DGAT1: variants seen among roughly 807,000 people sequenced by gnomAD.
DGAT1 encodes the protein ACAT related gene product 1.
DGAT1 carries 60 observed loss-of-function variants against 72.6 expected under a neutral mutation model. That is an observed-to-expected ratio of 0.83 (90% CI 0.67 to 1.02). The LOEUF (loss-of-function observed/expected upper bound fraction) is 1.02, where lower values mean the gene tolerates loss of function less well. Among genes scored for constraint, DGAT1 ranks in the 50% least tolerant of loss-of-function variants. The pLI, the probability that DGAT1 is intolerant of heterozygous loss-of-function variation, is 0.00. For synonymous variants in DGAT1, 290 were observed against 267.5 expected (o/e 1.08, Z -0.82); for missense variants, 592 against 670.0 (o/e 0.88, Z 1.29).
Position 144,317,361 on chromosome 8 carries a change from C to T in DGAT1, c.1066G>A (p.Gly356Arg). 6.2e-7 allele frequency: 1 copy of T among 1,613,774 alleles called. No individual in the cohort carries two copies. Among genetic ancestry groups the T allele is most frequent in the Non-Finnish European group, 8.5e-7 (1 of 1,179,958 alleles). Reference sequence around the variant, plus strand: ...CAGTCCCGGTAGAACTCCCGGTCTCCAAACTGCATGAGCTCAGCCACGGCA... The same window carrying T: ...CAGTCCCGGTAGAACTCCCGGTCTCTAAACTGCATGAGCTCAGCCACGGCA... Reference protein sequence around the residue: ...LNAVAELMQFGDREFYRDWWN... With the variant: ...LNAVAELMQFRDREFYRDWWN... The change falls in exon 13 of 17, where the codon GGA becomes AGA. Residue 356 changes from glycine to arginine, a missense_variant. Gly to Arg is a moderately radical substitution (Grantham distance 125, BLOSUM62 -2). Transcript: ENST00000528718.
chr8:144,315,931 T>C lies in DGAT1; in HGVS notation c.*623A>G. ...CTGTGGACTGCCCATCCCTGGGCCA[T>C]CCTGGCTGGAGCCCACTTCCCGCAA... is the stretch of plus-strand genomic sequence containing the variant. On this transcript the variant is annotated 3_prime_UTR_variant, in exon 17 of 17. Transcript: ENST00000528718. The C allele has an allele frequency of 1.0e-6, 1 of 986,626 alleles. No homozygotes were observed. Among genetic ancestry groups the C allele is most frequent in the Non-Finnish European group, 1.2e-6 (1 of 830,880 alleles). 61.1% of individuals were successfully genotyped at this position (986,626 alleles called of 1,614,324 possible).
At position 144,317,949 on chromosome 8, in the gene DGAT1, G is replaced by C; in HGVS notation, c.820C>G (p.Arg274Gly). The change falls in exon 9 of 17, where the codon CGG becomes GGG. Residue 274 changes from arginine to glycine, a missense_variant. Arg to Gly is a moderately radical substitution (Grantham distance 125, BLOSUM62 -2). Transcript: ENST00000528718. Reference sequence around the variant, plus strand: ...ATCCGTCGCAGCAGAAAGCGCTTCCGGATGCGGGGAGAGCGGGGAAAGTTG... The same window carrying C: ...ATCCGTCGCAGCAGAAAGCGCTTCCCGATGCGGGGAGAGCGGGGAAAGTTG... ...ELNFPRSPRIRKRFLLRRILE... is the reference protein window; with the variant it reads ...ELNFPRSPRIGKRFLLRRILE... The C allele has an allele frequency of 6.6e-7, 1 of 1,519,552 alleles. No individual in the cohort carries two copies. Among genetic ancestry groups the C allele is most frequent in the Non-Finnish European group, 8.8e-7 (1 of 1,135,892 alleles). The allele number at this position is 1,519,552 out of a possible 1,614,324, so 94.1% of individuals were successfully genotyped here.
Position 144,326,704 on chromosome 8 carries a change from G to A in DGAT1, c.-68C>T. 2 of 1,116,652 alleles carry A rather than the reference G, an allele frequency of 1.8e-6. No individual in the cohort carries two copies. The highest frequency in any genetic ancestry group is 2.2e-6 in the Non-Finnish European group (2 of 912,190). The allele number at this position is 1,116,652 out of a possible 1,614,324, so 69.2% of individuals were successfully genotyped here. ...GGGTTCGTAGCGCCCGAGGCGCGCG[G>A]CCCCACCTCCGGGCCCTAGACAACG... On this transcript the variant is annotated 5_prime_UTR_variant, in exon 1 of 17. Coordinates refer to ENST00000528718, the MANE Select transcript of DGAT1 (RefSeq NM_012079.6).
Position 144,326,625 on chromosome 8 carries a change from G to A in DGAT1, c.12C>T (p.Arg4=). Residue 4 remains arginine (R), a synonymous_variant, in exon 1 of 17, where the codon CGC becomes CGT. Transcript: ENST00000528718. ...CTGTCCTCCGGCGCCGGGAGCTGCC[G>A]CGGTCGCCCATGGCCTCAGCCCGCA... MGD[R]GSSRRRRTGS... The A allele has an allele frequency of 8.3e-7, 1 of 1,199,934 alleles. No individual in the cohort carries two copies. The highest frequency in any genetic ancestry group is 1.0e-6 in the Non-Finnish European group (1 of 967,450). 74.3% of individuals were successfully genotyped at this position (1,199,934 alleles called of 1,614,324 possible). A position where few individuals can be genotyped will look rare whatever the true frequency, so the allele number is the denominator to read the frequency against.
chr8:144,318,569 G>GT lies in DGAT1; in HGVS notation c.469-4_469-3insA. The GT allele has an allele frequency of 6.2e-7, 1 of 1,611,330 alleles. No homozygotes were observed. ...CCCGCCTGCTCCGTCAGGGCACCCT[G>GT]GAGTGGGGAGCAGAGCACTCAACCA... On this transcript the variant is annotated splice_region_variant and splice_polypyrimidine_tract_variant and intron_variant, in intron 5 of 16. Coordinates refer to ENST00000528718, the MANE Select transcript of DGAT1 (RefSeq NM_012079.6).
Position 144,318,903 on chromosome 8 carries a change from TC to T in DGAT1, c.346del (p.Asp116ThrfsTer10). On this transcript the variant is annotated frameshift_variant, in exon 4 of 17. Coordinates refer to ENST00000528718, the MANE Select transcript of DGAT1 (RefSeq NM_012079.6). LOFTEE classifies it high-confidence loss of function. ...GAACAGAGAAACCACCTGGATGGGG[TC>T]CACCAGGATGCCATACCTGGGGGTG... ...ENLIKYGILV[D>X]PIQVVSLFLK... 6.7e-7 allele frequency: 1 copy of T among 1,498,396 alleles called. No individual in the cohort carries two copies. The highest frequency in any genetic ancestry group is 9.0e-7 in the Non-Finnish European group (1 of 1,113,510). The allele number at this position is 1,498,396 out of a possible 1,614,324, so 92.8% of individuals were successfully genotyped here.
In DGAT1 at chr8:144,315,284, A is replaced by G. The variant is rs1817162428; in HGVS notation, c.*1270T>C. The G allele has an allele frequency of 1.0e-6, 1 of 985,500 alleles. No homozygotes were observed. The highest frequency in any genetic ancestry group is 1.2e-6 in the Non-Finnish European group (1 of 829,972). The allele number at this position is 985,500 out of a possible 1,614,324, so 61.0% of individuals were successfully genotyped here. On this transcript the variant is annotated 3_prime_UTR_variant, in exon 17 of 17. Transcript: ENST00000528718. The stretch of plus-strand genomic sequence containing the variant: ...CACCAGGAGCTCACCCACTACTGCC[A>G]TCCTCAGCAGGGCCCAAGGAGATGC...
At position 144,317,192 on chromosome 8, in the gene DGAT1, G is replaced by A. The variant is rs1554847230; in HGVS notation, c.1155C>T (p.Cys385=). The change falls in exon 14 of 17, where the codon TGC becomes TGT. Residue 385 remains cysteine, a synonymous_variant. Coordinates refer to ENST00000528718, the MANE Select transcript of DGAT1 (RefSeq NM_012079.6). ...QNWNIPVHKW[C]IRHFYKPMLR... Reference sequence around the variant, plus strand: ...CACACACACACCCCACCTACCTGATGCACCACTTGTGCACAGGGATGTTCC... The same window carrying A: ...CACACACACACCCCACCTACCTGATACACCACTTGTGCACAGGGATGTTCC... 3 of 1,608,222 alleles carry A rather than the reference G, an allele frequency of 1.9e-6. No individual in the cohort carries two copies.
rs1554847152 is a variant in DGAT1, at chr8:144,316,928, GGAGA to G, written c.1249-17_1249-14del. 1 of 1,612,648 alleles carries G rather than the reference GGAGA, an allele frequency of 6.2e-7. No homozygotes were observed. ...CGCTCACCAGGTACTGAGATGGGAG[GGAGA>G]GAGGATGCCAGGGAGTGGGGTGTCA... On this transcript the variant is annotated splice_polypyrimidine_tract_variant and intron_variant, in intron 15 of 16. Coordinates refer to ENST00000528718, the MANE Select transcript of DGAT1 (RefSeq NM_012079.6).
intron 3 of DGAT1, 46 bp from the exon 4 acceptor site, chr8:144,318,966 G>A (rs1817356911): frequency 1.3e-6 from 2 of 1,561,616 alleles, no homozygotes; most frequent in South Asian, 1.2e-5. Flanking sequence ...AGGTGGGGCT[G>A]TGGGGCGGGG....
chr8:144,324,854 G>C (rs924503707), intron 1 of DGAT1, among the ~76,000 whole-genome samples: 4 of 152,104 alleles, frequency 2.6e-5, no homozygotes, highest in Non-Finnish European at 5.9e-5. Context: ...GATCACCTGA[G>C]TTCAGGAGTT....
In DGAT1 at chr8:144,318,174, G is replaced by A. The variant is rs199592738; in HGVS notation, c.677-5C>T. 3.2e-5 allele frequency: 51 copies of A among 1,605,148 alleles called. No homozygotes were observed. Among genetic ancestry groups the A allele is most frequent in the Non-Finnish European group, 4.2e-5 (49 of 1,175,014 alleles). Reference sequence around the variant, plus strand: ...TGGCCTTCTTCCCTGCAGAGGCTACGAGCACAGCAGAGTGGGAGGGGGCTG... The same window carrying A: ...TGGCCTTCTTCCCTGCAGAGGCTACAAGCACAGCAGAGTGGGAGGGGGCTG... On this transcript the variant is annotated splice_region_variant and splice_polypyrimidine_tract_variant and intron_variant, in intron 7 of 16. Transcript: ENST00000528718.
rs140874999 is a variant in DGAT1, at chr8:144,316,677, G to C, written c.1344C>G (p.Phe448Leu). 4 of 1,612,222 alleles carry C rather than the reference G, an allele frequency of 2.5e-6. No homozygotes were observed. Among genetic ancestry groups the C allele is most frequent in the Middle Eastern group, 1.7e-4 (1 of 6,032 alleles). ...IPLAWFVGRF[F>L]QGNYGNAAVW... ...CAGCTGCGTTGCCATAGTTGCCCTG[G>C]AAAAAGCGGCCCACGAACCAGGCCA... is the stretch of plus-strand genomic sequence containing the variant. The change falls in exon 17 of 17, where the codon TTC becomes TTG. Residue 448 changes from phenylalanine (F) to leucine (L), a missense_variant. By Grantham distance (22) the Phe-to-Leu change is conservative. Coordinates refer to ENST00000528718, the MANE Select transcript of DGAT1 (RefSeq NM_012079.6).
chr8:144,326,730 G>C lies in DGAT1; in HGVS notation c.-94C>G, dbSNP rs2130551825. On this transcript the variant is annotated 5_prime_UTR_variant, in exon 1 of 17. Transcript: ENST00000528718. ...CCCCACCTCCGGGCCCTAGACAACG[G>C]CCGCCACTGCCCCCTGCCGGCCGCC... 1 of 1,011,388 alleles carries C rather than the reference G, an allele frequency of 9.9e-7. No homozygotes were observed. Among genetic ancestry groups the C allele is most frequent in the Non-Finnish European group, 1.2e-6 (1 of 825,936 alleles). 62.7% of individuals were successfully genotyped at this position (1,011,388 alleles called of 1,614,324 possible). A position where few individuals can be genotyped will look rare whatever the true frequency, so the allele number is the denominator to read the frequency against.
chr8:144,319,600 AG>A (rs1336969519), intron 2 of DGAT1, among the ~76,000 whole-genome samples: 3 of 152,278 alleles, frequency 2.0e-5, no homozygotes, highest in African/African-American at 7.2e-5. Context: ...CTGTGTCGCA[AG>A]GGGGGCTGGG....
Position 144,316,647 on chromosome 8 carries a change from C to A in DGAT1, c.1374G>T (p.Trp458Cys), listed in dbSNP as rs782739596. 1 of 1,610,936 alleles carries A rather than the reference C, an allele frequency of 6.2e-7. No individual in the cohort carries two copies. Among genetic ancestry groups the A allele is most frequent in the Non-Finnish European group, 8.5e-7 (1 of 1,179,258 alleles). ...FQGNYGNAAV[W>C]LSLIIGQPIA... Reference sequence around the variant, plus strand: ...TTGGCTGTCCGATGATGAGCGACAGCCACACAGCTGCGTTGCCATAGTTGC... The same window carrying A: ...TTGGCTGTCCGATGATGAGCGACAGACACACAGCTGCGTTGCCATAGTTGC... Residue 458 changes from tryptophan (W) to cysteine (C), a missense_variant, in exon 17 of 17, where the codon TGG becomes TGT. Trp to Cys is a radical substitution (Grantham distance 215). Transcript: ENST00000528718.
Position 144,316,596 on chromosome 8 carries a change from G to A in DGAT1, c.1425C>T (p.Asp475=), listed in dbSNP as rs1031073510. The A allele has an allele frequency of 6.2e-7, 1 of 1,605,620 alleles. No individual in the cohort carries two copies. The highest frequency in any genetic ancestry group is 8.5e-7 in the Non-Finnish European group (1 of 1,176,662). ...QPIAVLMYVH[D]YYVLNYEAPA... Reference sequence around the variant, plus strand: ...GGGCCTCATAGTTGAGCACGTAGTAGTCGTGGACGTACATGAGGACGGCTA... The same window carrying A: ...GGGCCTCATAGTTGAGCACGTAGTAATCGTGGACGTACATGAGGACGGCTA... The change falls in exon 17 of 17, where the codon GAC becomes GAT. Residue 475 remains aspartate, a synonymous_variant. Coordinates refer to ENST00000528718, the MANE Select transcript of DGAT1 (RefSeq NM_012079.6).
chr8:144,325,328 C>T (rs7816394), intron 1 of DGAT1, among the ~76,000 whole-genome samples: 72,644 of 151,990 alleles, frequency 0.48, 17,681 homozygotes, highest in East Asian at 0.52. Context: ...GCCTGACTCT[C>T]GCTGAGGTTA....
chr8:144,326,802 G>C lies in DGAT1; in HGVS notation c.-166C>G, dbSNP rs7003945. The C allele has an allele frequency of 4.6e-6, 2 of 434,888 alleles. No individual in the cohort carries two copies. Among genetic ancestry groups the C allele is most frequent in the Non-Finnish European group, 6.6e-6 (2 of 304,762 alleles). 26.9% of individuals were successfully genotyped at this position (434,888 alleles called of 1,614,324 possible). The stretch of plus-strand genomic sequence containing the variant: ...CCAGCGCGTTCAACCCGCCCGCGTC[G>C]GGCCCGTCGGCCTCAAGGACAACGG... On this transcript the variant is annotated 5_prime_UTR_variant, in exon 1 of 17. Coordinates refer to ENST00000528718, the MANE Select transcript of DGAT1 (RefSeq NM_012079.6).
Sources: gnomAD v4.1 joint callset for allele counts (sites outside exome capture counted in the v4.1 genomes callset) on GRCh38, gnomAD v4.1.1 for gene constraint, MANE v1.5 for transcripts, NCBI Gene and HGNC (gene_info 2026-07-23, HGNC 2026-07-21) for gene names.